SLC35F4: variants seen among roughly 807,000 people sequenced by gnomAD.
SLC35F4 encodes the protein chromosome 14 open reading frame 36.
SLC35F4 carries 24 observed loss-of-function variants against 44.2 expected under a neutral mutation model. The ratio of observed to expected loss-of-function variants is 0.54; its 90% CI spans 0.39 to 0.76. SLC35F4 has a LOEUF of 0.76. SLC35F4 is among the 30% of genes least tolerant of loss of function. The pLI is 0.00. For missense variants in SLC35F4, 562 were observed against 586.1 expected (o/e 0.96, Z 0.42); for synonymous variants, 238 against 223.6 (o/e 1.06, Z -0.57).
intron 1 of SLC35F4, among the ~76,000 whole-genome samples, chr14:57,748,647 G>T (rs896466711): frequency 1.3e-5 from 2 of 152,128 alleles, no homozygotes; most frequent in African/African-American, 4.8e-5. Flanking sequence ...TCAGCATTCT[G>T]TCTAGAGTGT....
At chr14:57,874,627 G>T (rs1165546622) in intron 1 of SLC35F4, among the ~76,000 whole-genome samples, 1 of 152,162 alleles carries the variant, frequency 6.6e-6, no homozygotes, top group Non-Finnish European at 1.5e-5. Flanking sequence ...ACTCTCAGTG[G>T]ATCATCTTTC....
At chr14:57,642,287 G>A (rs553775404) in intron 1 of SLC35F4, among the ~76,000 whole-genome samples, 5 of 151,506 alleles carry the variant, frequency 3.3e-5, no homozygotes, top group African/African-American at 9.7e-5. Context: ...ATTGAAGACC[G>A]AGAGCTAGTG....
intron 1 of SLC35F4, among the ~76,000 whole-genome samples, chr14:57,719,070 T>C (rs1217305354): frequency 6.6e-6 from 1 of 152,186 alleles, no homozygotes; most frequent in Non-Finnish European, 1.5e-5. Flanking sequence ...TCTAGTTTTC[T>C]CAGCAGCATT....
chr14:57,879,369 T>C (rs1236221216), intron 1 of SLC35F4, among the ~76,000 whole-genome samples: 1 of 152,028 alleles, frequency 6.6e-6, no homozygotes, highest in East Asian at 1.9e-4. Flanking sequence ...ACTTAATCCT[T>C]CTGCCCCAGG....
At chr14:57,832,939 G>A (rs936869407) in intron 1 of SLC35F4, among the ~76,000 whole-genome samples, 3 of 152,134 alleles carry the variant, frequency 2.0e-5, no homozygotes, top group African/African-American at 4.8e-5. Context: ...ACGACCCAGG[G>A]TACTTTTATT....
At chr14:57,649,677 C>T (rs987313174) in intron 1 of SLC35F4, among the ~76,000 whole-genome samples, 1 of 152,098 alleles carries the variant, frequency 6.6e-6, no homozygotes, top group African/African-American at 2.4e-5. Context: ...TGGAAATGGG[C>T]CATATCTATT....
In SLC35F4 at chr14:57,944,695, A is replaced by AAAG. The variant is rs1201207131; in HGVS notation, n.282+37217_282+37218insCTT. 7.3e-3 allele frequency among the ~76,000 whole-genome samples: 843 copies of AAAG among 116,028 alleles called. 7 individuals carry two copies. Among genetic ancestry groups the AAAG allele is most frequent in the African/African-American group, 0.016 (424 of 25,996 alleles). The allele number at this position is 116,028 out of a possible 152,430, so 76.1% of individuals were successfully genotyped here. A position where few individuals can be genotyped will look rare whatever the true frequency, so the allele number is the denominator to read the frequency against. On this transcript the variant is annotated intron_variant and non_coding_transcript_variant, in intron 1 of 1. Transcript: ENST00000556568. ...AGAAAGAAAAAGAAAAGAAAGAAAG[A>AAAG]AAAGAAAGAAAGAAAGAAAGAAAGA...
chr14:57,802,427 A>G lies in SLC35F4; in HGVS notation c.103+63296T>C, dbSNP rs181766002. On this transcript the variant is annotated intron_variant, in intron 1 of 7. Coordinates refer to ENST00000556826, the MANE Select transcript of SLC35F4 (RefSeq NM_001306087.2). The stretch of plus-strand genomic sequence containing the variant: ...CAACTATAACTAGAGAACCGAGAGC[A>G]AAACCCACAACTAGCAGAAGACAAG... Among the ~76,000 whole-genome samples the G allele has an allele frequency of 1.7e-3, 262 of 152,286 alleles. 3 individuals are homozygous for G. The highest frequency in any genetic ancestry group is 6.0e-3 in the African/African-American group (249 of 41,576).
chr14:57,604,174 T>C (rs1745689), intron 1 of SLC35F4: 108,288 of 152,052 alleles, frequency 0.71, 39,296 homozygotes, highest in Middle Eastern at 0.79. Context: ...ACTTCTCTTC[T>C]GTATCACTCC....
chr14:57,912,411 A>G (rs916096936), intron 1 of SLC35F4, among the ~76,000 whole-genome samples: 1 of 152,084 alleles, frequency 6.6e-6, no homozygotes, highest in African/African-American at 2.4e-5. Flanking sequence ...ATTTCCCTTT[A>G]GAAACTACTT....
At chr14:57,713,425 CT>C (rs2075860375) in intron 1 of SLC35F4, among the ~76,000 whole-genome samples, 1 of 152,148 alleles carries the variant, frequency 6.6e-6, no homozygotes, top group African/African-American at 2.4e-5. Context: ...TTCCCCTCCC[CT>C]ATCCCATACC....
intron 1 of SLC35F4, among the ~76,000 whole-genome samples, chr14:57,615,248 C>T (rs2140066970): frequency 6.6e-6 from 1 of 152,302 alleles, no homozygotes; most frequent in Middle Eastern, 3.4e-3. Context: ...AGAATTATTC[C>T]TAGGCACAGG....
intron 1 of SLC35F4, among the ~76,000 whole-genome samples, chr14:57,774,877 A>C (rs2077450555): frequency 6.6e-6 from 1 of 152,192 alleles, no homozygotes; most frequent in Admixed American, 6.5e-5. Flanking sequence ...CCTTCCTGCC[A>C]GCACGTTTGT....
chr14:57,587,870 CAAA>C (rs60521934), intron 3 of SLC35F4, among the ~76,000 whole-genome samples: 1,526 of 125,000 alleles, frequency 0.012, 23 homozygotes, highest in East Asian at 0.052. Flanking sequence ...ATGCACCTTC[CAAA>C]AAAAAAAAAA....
chr14:57,604,739 G>A (rs1315769657), intron 1 of SLC35F4, among the ~76,000 whole-genome samples: 1 of 152,144 alleles, frequency 6.6e-6, no homozygotes, highest in Non-Finnish European at 1.5e-5. Context: ...AAACAGCATG[G>A]TACTGGTACA....
chr14:57,923,965 G>A (rs1479955443), intron 1 of SLC35F4, among the ~76,000 whole-genome samples: 1 of 152,212 alleles, frequency 6.6e-6, no homozygotes, highest in Non-Finnish European at 1.5e-5. Context: ...TTGAGTTATG[G>A]GGGTGGGTCT....
upstream of SLC35F4, chr14:57,982,227 G>C (rs544724734): frequency 1.3e-5 from 2 of 152,320 alleles, no homozygotes; most frequent in East Asian, 3.9e-4. Flanking sequence ...GGAATGCTGA[G>C]TTGTCGGAAG....
intron 1 of SLC35F4, among the ~76,000 whole-genome samples, chr14:57,838,193 A>G (rs913220824): frequency 3.3e-5 from 5 of 152,210 alleles, no homozygotes; most frequent in African/African-American, 1.2e-4. Context: ...CAGGTGGAAA[A>G]AGAACCCACT....
At chr14:57,658,496 G>A (rs893683148) in intron 1 of SLC35F4, among the ~76,000 whole-genome samples, 2 of 152,138 alleles carry the variant, frequency 1.3e-5, no homozygotes, top group African/African-American at 4.8e-5. Flanking sequence ...CAATTAATTA[G>A]AGAATGAAGA....
Sources: gnomAD v4.1 joint callset for allele counts (sites outside exome capture counted in the v4.1 genomes callset) on GRCh38, gnomAD v4.1.1 for gene constraint, MANE v1.5 for transcripts, NCBI Gene and HGNC (gene_info 2026-07-23, HGNC 2026-07-21) for gene names.